The following IQCJ variants were observed in gnomAD, a reference collection of about 807,000 sequenced individuals.
IQCJ encodes the protein IQ motif containing J.
IQCJ carries 9 observed loss-of-function variants against 11.0 expected under a neutral mutation model. The ratio of observed to expected loss-of-function variants is 0.82; its 90% CI spans 0.49 to 1.43. The LOEUF (loss-of-function observed/expected upper bound fraction) is 1.43, where lower values mean the gene tolerates loss of function less well. IQCJ is among the 40% of genes most tolerant of loss of function. The pLI, the probability that IQCJ is intolerant of heterozygous loss-of-function variation, is 0.00. For missense variants in IQCJ, 146 were observed against 133.2 expected, an observed-to-expected ratio of 1.10 and a Z score of -0.47; for synonymous variants, 55 against 51.3, an observed-to-expected ratio of 1.07 and a Z score of -0.31.
Position 159,190,114 on chromosome 3 carries a change from C to T in IQCJ, c.10-55729C>T, listed in dbSNP as rs537188815. Among the ~76,000 whole-genome samples, 7 of 152,250 alleles carry T rather than the reference C, an allele frequency of 4.6e-5. No homozygotes were observed. In the South Asian group the frequency reaches 6.2e-4, roughly 14 times the overall value. On this transcript the variant is annotated intron_variant, in intron 1 of 3. Coordinates refer to ENST00000397832, the MANE Select transcript of IQCJ (RefSeq NM_001042706.3). ...CCCTTCCATCCCAGTGTTCCTGATA[C>T]GTGGCTGGCCCTAAGTACCAGTTCC...
intron 1 of IQCJ, among the ~76,000 whole-genome samples, chr3:159,070,574 T>C (rs963608704): frequency 1.3e-5 from 2 of 152,120 alleles, no homozygotes; most frequent in African/African-American, 4.8e-5. Flanking sequence ...ACTTTTGTAA[T>C]AGAAACTTGT....
intron 1 of IQCJ, among the ~76,000 whole-genome samples, chr3:159,207,591 G>A (rs1420496278): frequency 6.6e-6 from 1 of 152,194 alleles, no homozygotes; most frequent in Non-Finnish European, 1.5e-5. Context: ...CAGCTCTGGT[G>A]TCGTGGGGGT....
chr3:159,130,759 C>T (rs1043573341), intron 1 of IQCJ, among the ~76,000 whole-genome samples: 2 of 152,082 alleles, frequency 1.3e-5, no homozygotes, highest in African/African-American at 2.4e-5. Context: ...GAAATATGTA[C>T]TTCTTTTAGT....
intron 1 of IQCJ, among the ~76,000 whole-genome samples, chr3:159,158,175 G>C (rs1471221245): frequency 1.3e-5 from 2 of 152,118 alleles, no homozygotes; most frequent in Non-Finnish European, 2.9e-5. Flanking sequence ...TAAAGGTACT[G>C]TTTTGTAGAA....
chr3:159,244,628 G>A (rs1727138920), intron 1 of IQCJ, among the ~76,000 whole-genome samples: 1 of 152,182 alleles, frequency 6.6e-6, no homozygotes, highest in Admixed American at 6.5e-5. Flanking sequence ...AAGTTGGGGA[G>A]ATACAGGATT....
At chr3:159,151,096 C>T (rs1311285014) in intron 1 of IQCJ, among the ~76,000 whole-genome samples, 2 of 152,212 alleles carry the variant, frequency 1.3e-5, no homozygotes, top group African/African-American at 2.4e-5. Flanking sequence ...ACCTTCCTTG[C>T]AGCACACTGG....
intron 1 of IQCJ, among the ~76,000 whole-genome samples, chr3:159,230,324 C>T (rs1726171571): frequency 6.6e-6 from 1 of 152,092 alleles, no homozygotes; most frequent in Admixed American, 6.6e-5. Flanking sequence ...CATGTCGTTT[C>T]TATTGTGAAT....
chr3:159,178,106 ATGT>A (rs1470535184), intron 1 of IQCJ, among the ~76,000 whole-genome samples: 1 of 152,144 alleles, frequency 6.6e-6, no homozygotes, highest in African/African-American at 2.4e-5. Context: ...AAATCCAAGA[ATGT>A]TGTTCAGAAG....
chr3:159,102,990 T>C (rs1007570109), intron 1 of IQCJ, among the ~76,000 whole-genome samples: 6 of 152,330 alleles, frequency 3.9e-5, no homozygotes, highest in African/African-American at 1.4e-4. Context: ...CCTCTACACA[T>C]TTTTGCTTCA....
chr3:159,246,186 A>C (rs986923503), intron 2 of IQCJ, among the ~76,000 whole-genome samples: 3 of 152,202 alleles, frequency 2.0e-5, no homozygotes, highest in African/African-American at 7.2e-5. Context: ...GACCTGTCTT[A>C]GTCTTTTAAT....
At chr3:159,222,827 A>G (rs748601139) in intron 1 of IQCJ, among the ~76,000 whole-genome samples, 6 of 152,088 alleles carry the variant, frequency 3.9e-5, no homozygotes, top group Non-Finnish European at 8.8e-5. Context: ...ACAATAAAAA[A>G]TTTTCTATAA....
chr3:159,213,608 CTTCTACT>C (rs1725067652), intron 1 of IQCJ, among the ~76,000 whole-genome samples: 1 of 151,690 alleles, frequency 6.6e-6, no homozygotes, highest in East Asian at 1.9e-4. Flanking sequence ...ATTTTCATGC[CTTCTACT>C]TTCTGGAAAA....
intron 1 of IQCJ, among the ~76,000 whole-genome samples, chr3:159,117,130 T>C (rs1719073827): frequency 6.6e-6 from 1 of 152,196 alleles, no homozygotes. Context: ...CCCTAATTCC[T>C]TAATCCTTAC....
At chr3:159,152,983 C>T (rs1449155124) in intron 1 of IQCJ, among the ~76,000 whole-genome samples, 2 of 152,130 alleles carry the variant, frequency 1.3e-5, no homozygotes, top group Admixed American at 6.5e-5. Context: ...TACTTCATAA[C>T]TGAAAAAATT....
chr3:159,195,930 T>A (rs1406688686), intron 1 of IQCJ, among the ~76,000 whole-genome samples: 2 of 152,214 alleles, frequency 1.3e-5, no homozygotes, highest in Admixed American at 1.3e-4. Flanking sequence ...CACCCAATGG[T>A]GACAATCAGG....
chr3:159,086,701 T>G (rs1716802162), intron 1 of IQCJ, among the ~76,000 whole-genome samples: 1 of 152,068 alleles, frequency 6.6e-6, no homozygotes, highest in South Asian at 2.1e-4. Context: ...AGTTCACCCA[T>G]GATTTGGCTG....
At chr3:159,171,584 C>T (rs562463952) in intron 1 of IQCJ, among the ~76,000 whole-genome samples, 7 of 152,300 alleles carry the variant, frequency 4.6e-5, no homozygotes, top group Non-Finnish European at 1.0e-4. Context: ...GCCTGCTGCA[C>T]ATTAGAATCA....
At chr3:159,231,077 C>T (rs9823142) in intron 1 of IQCJ, among the ~76,000 whole-genome samples, 39,413 of 152,028 alleles carry the variant, frequency 0.26, 5,406 homozygotes, top group Middle Eastern at 0.34. Flanking sequence ...GAAGCTGGCA[C>T]GCCCCAGTTG....
At chr3:159,236,285 A>AC (rs1553791768) in intron 1 of IQCJ, among the ~76,000 whole-genome samples, 7 of 151,828 alleles carry the variant, frequency 4.6e-5, no homozygotes, top group African/African-American at 9.7e-5. Context: ...AAAAAAAAAA[A>AC]ACCAAGGAAT....
Sources: gnomAD v4.1 joint callset for allele counts (sites outside exome capture counted in the v4.1 genomes callset) on GRCh38, gnomAD v4.1.1 for gene constraint, MANE v1.5 for transcripts, NCBI Gene and HGNC (gene_info 2026-07-23, HGNC 2026-07-21) for gene names.